IQCJ: variants seen among roughly 807,000 people sequenced by gnomAD.
IQCJ encodes the protein IQ motif containing J.
A neutral mutation model predicts 11.0 loss-of-function variants in IQCJ; 9 were observed. The observed-to-expected ratio is 0.82, with a 90% CI of 0.49 to 1.43. The LOEUF (loss-of-function observed/expected upper bound fraction) is 1.43, where lower values mean the gene tolerates loss of function less well. IQCJ is among the 40% of genes most tolerant of loss of function. The pLI is 0.00. For missense variants in IQCJ, 146 were observed against 133.2 expected (o/e 1.10, Z -0.47); for synonymous variants, 55 against 51.3 (o/e 1.07, Z -0.31).
intron 1 of IQCJ, among the ~76,000 whole-genome samples, chr3:159,135,825 A>C (rs1720258294): frequency 1.3e-5 from 2 of 152,198 alleles, no homozygotes; most frequent in Non-Finnish European, 2.9e-5. Context: ...GGCAGCCATG[A>C]ATTTATACCC....
At chr3:159,262,171 C>A (rs538282065) in intron 3 of IQCJ, among the ~76,000 whole-genome samples, 69 of 152,336 alleles carry the variant, frequency 4.5e-4, no homozygotes, top group African/African-American at 1.7e-3. Context: ...CAGTAGTAGT[C>A]AGCCTATTTA....
At chr3:159,247,004 CATT>C (rs1326789660) in intron 2 of IQCJ, among the ~76,000 whole-genome samples, 2 of 152,278 alleles carry the variant, frequency 1.3e-5, no homozygotes, top group African/African-American at 4.8e-5. Context: ...TTTCCTCACT[CATT>C]ATAAGGAGCA....
chr3:159,089,652 C>T (rs893091411), intron 1 of IQCJ, among the ~76,000 whole-genome samples: 3 of 151,680 alleles, frequency 2.0e-5, no homozygotes, highest in African/African-American at 4.9e-5. Context: ...CTTCCCTTCT[C>T]GCTTCATTTC....
chr3:159,102,307 C>T (rs769042805), intron 1 of IQCJ, among the ~76,000 whole-genome samples: 2 of 152,142 alleles, frequency 1.3e-5, no homozygotes, highest in Non-Finnish European at 2.9e-5. Flanking sequence ...TTACAGTACA[C>T]CTTGGTAATA....
At chr3:159,123,947 C>T (rs936944007) in intron 1 of IQCJ, among the ~76,000 whole-genome samples, 15 of 152,206 alleles carry the variant, frequency 9.9e-5, no homozygotes, top group African/African-American at 2.9e-4. Context: ...AGTCCAAACT[C>T]TCAGTAGTTT....
chr3:159,137,184 C>G (rs1720338390), intron 1 of IQCJ, among the ~76,000 whole-genome samples: 1 of 151,556 alleles, frequency 6.6e-6, no homozygotes, highest in South Asian at 2.1e-4. Flanking sequence ...ATTGCTTGAA[C>G]TTGGGAGGCG....
intron 1 of IQCJ, among the ~76,000 whole-genome samples, chr3:159,088,612 G>A (rs575448510): frequency 6.6e-6 from 1 of 152,150 alleles, no homozygotes; most frequent in South Asian, 2.1e-4. Context: ...CCTGTATTGG[G>A]TGCATATATA....
At chr3:159,154,999 A>G (rs1449434706) in intron 1 of IQCJ, among the ~76,000 whole-genome samples, 1 of 151,638 alleles carries the variant, frequency 6.6e-6, no homozygotes. Flanking sequence ...ATCCTTCGCC[A>G]TCCCCATTTC....
At position 159,146,320 on chromosome 3, in the gene IQCJ, T is replaced by TA. The variant is rs372962323; in HGVS notation, c.9+76888dup. Among the ~76,000 whole-genome samples, 187 of 150,506 alleles carry TA rather than the reference T, an allele frequency of 1.2e-3. 5 individuals carry two copies. In the South Asian group the frequency reaches 0.034, roughly 27 times the overall value. ...CATTTGGAGCTGCTCTAAATCCAAGTAAAAAAAAAGGAGGCAGTGTAAATA... is the reference window on the plus strand; with the variant it reads ...CATTTGGAGCTGCTCTAAATCCAAGTAAAAAAAAAAGGAGGCAGTGTAAATA... On this transcript the variant is annotated intron_variant, in intron 1 of 3. Transcript: ENST00000397832.
intron 1 of IQCJ, among the ~76,000 whole-genome samples, chr3:159,106,923 A>C (rs1328377220): frequency 6.6e-6 from 1 of 152,184 alleles, no homozygotes; most frequent in Non-Finnish European, 1.5e-5. Flanking sequence ...TGCTGTTTAT[A>C]ATTTTATAAA....
chr3:159,169,475 C>A (rs998163030), intron 1 of IQCJ, among the ~76,000 whole-genome samples: 1 of 151,098 alleles, frequency 6.6e-6, no homozygotes, highest in Non-Finnish European at 1.5e-5. Flanking sequence ...TTAGTAGAGG[C>A]GGGGTGGTTT....
chr3:159,196,951 T>G (rs1378301285), intron 1 of IQCJ, among the ~76,000 whole-genome samples: 1 of 152,080 alleles, frequency 6.6e-6, no homozygotes, highest in Non-Finnish European at 1.5e-5. Flanking sequence ...ATTTCCCTTA[T>G]CTCCAGCCTT....
intron 1 of IQCJ, among the ~76,000 whole-genome samples, chr3:159,218,076 G>A (rs555289738): frequency 5.9e-5 from 9 of 151,464 alleles, no homozygotes; most frequent in African/African-American, 1.9e-4. Flanking sequence ...TTATGTACAT[G>A]GTAGTCACTG....
At chr3:159,148,144 T>C (rs551879895) in intron 1 of IQCJ, among the ~76,000 whole-genome samples, 3 of 152,378 alleles carry the variant, frequency 2.0e-5, no homozygotes, top group African/African-American at 7.2e-5. Flanking sequence ...TACTGATATA[T>C]GTACTTTATT....
At chr3:159,146,329 A>T (rs111439686) in intron 1 of IQCJ, among the ~76,000 whole-genome samples, 2 of 152,304 alleles carry the variant, frequency 1.3e-5, no homozygotes, top group East Asian at 3.9e-4. Flanking sequence ...GTAAAAAAAA[A>T]GGAGGCAGTG....
chr3:159,236,374 A>G (rs1382931996), intron 1 of IQCJ, among the ~76,000 whole-genome samples: 2 of 152,036 alleles, frequency 1.3e-5, no homozygotes, highest in East Asian at 3.8e-4. Context: ...TAAATATATG[A>G]GATGACTATT....
chr3:159,194,775 C>G (rs1032316734), intron 1 of IQCJ, among the ~76,000 whole-genome samples: 1 of 152,176 alleles, frequency 6.6e-6, no homozygotes, highest in Non-Finnish European at 1.5e-5. Flanking sequence ...AGTCATCCTA[C>G]AAGGGTATTA....
At chr3:159,252,652 T>C in intron 2 of IQCJ, 75 bp from the exon 3 acceptor site, 1 of 1,283,230 alleles carries the variant, frequency 7.8e-7, no homozygotes. Context: ...CACATAAGTA[T>C]AAATTAGCAG....
At chr3:159,091,031 A>C (rs906005788) in intron 1 of IQCJ, among the ~76,000 whole-genome samples, 4 of 151,938 alleles carry the variant, frequency 2.6e-5, no homozygotes, top group Non-Finnish European at 4.4e-5. Flanking sequence ...GGAAGTTTTC[A>C]AAATGATGTT....
Sources: allele counts gnomAD v4.1 joint callset (sites outside exome capture counted in the v4.1 genomes callset), GRCh38; gene constraint gnomAD v4.1.1; transcripts MANE v1.5; gene names NCBI Gene and HGNC (gene_info 2026-07-23, HGNC 2026-07-21).